The following SLC35E2B variants were observed in gnomAD, a reference collection of about 807,000 sequenced individuals.
The protein encoded by SLC35E2B is solute carrier family 35, member E2B.
A neutral mutation model predicts 32.4 loss-of-function variants in SLC35E2B; 18 were observed. The observed-to-expected ratio is 0.56, with a 90% CI of 0.38 to 0.82. SLC35E2B has a LOEUF of 0.82. SLC35E2B is among the 40% of genes least tolerant of loss of function. The pLI is 0.00. For synonymous variants in SLC35E2B, 132 were observed against 209.1 expected (o/e 0.63, Z 3.18); for missense variants, 263 against 469.5 (o/e 0.56, Z 4.06).
chr1:1,683,712 C>G (rs1036619818), intron 2 of SLC35E2B, among the ~76,000 whole-genome samples: 14 of 152,006 alleles, frequency 9.2e-5, no homozygotes, highest in Middle Eastern at 3.5e-3. Context: ...CCCCCCTACC[C>G]CCGCTCTCCA....
intron 2 of SLC35E2B, among the ~76,000 whole-genome samples, chr1:1,682,032 A>G (rs1163303674): frequency 3.8e-5 from 4 of 104,570 alleles, no homozygotes; most frequent in Non-Finnish European, 7.7e-5. Flanking sequence ...AAAAAAAAAA[A>G]AAAAAAAAGA....
rs1349003767 is a variant in SLC35E2B at position 1,665,910 on chromosome 1, C to T, written c.1090G>A (p.Val364Ile). Reference protein sequence around the residue: ...AVGTALVTVGVLLYNKARQHQ... With the variant: ...AVGTALVTVGILLYNKARQHQ... ...TGCCTGGCTTTGTTGTAGAGCAGGA[C>T]CCCAACGGTCACCAGGGCTGTGCCA... The change falls in exon 10 of 10, where the codon GTC becomes ATC. Residue 364 changes from valine (V) to isoleucine (I), a missense_variant. This residue lies in a region of SLC35E2B where 78 missense variants were observed against 71.1 expected (regional missense o/e 1.10). Transcript: ENST00000617444. The T allele has an allele frequency of 6.4e-7, 1 of 1,551,254 alleles. No homozygotes were observed. The highest frequency in any genetic ancestry group is 2.0e-5 in the Admixed American group (1 of 50,986).
At chr1:1,679,401 A>C (rs1643880498) in intron 2 of SLC35E2B, among the ~76,000 whole-genome samples, 2 of 151,502 alleles carry the variant, frequency 1.3e-5, no homozygotes, top group Admixed American at 1.3e-4. Flanking sequence ...CTCTGCTGAC[A>C]CTGTGCTCCA....
intron 8 of SLC35E2B, 66 bp from the exon 9 acceptor site, chr1:1,668,538 A>C: frequency 6.2e-7 from 1 of 1,613,482 alleles, no homozygotes. Flanking sequence ...TCCACCAAAA[A>C]CGCCCAGCGC....
At position 1,669,745 on chromosome 1, in the gene SLC35E2B, G is replaced by A. The variant is rs1361675266; in HGVS notation, c.762-9C>T. 51 of 1,547,742 alleles carry A rather than the reference G, an allele frequency of 3.3e-5. No homozygotes were observed. Among genetic ancestry groups the A allele is most frequent in the Non-Finnish European group, 4.4e-5 (50 of 1,145,778 alleles). ...ACTGCAGCTCCGGGGCCCTGTGGGTGACAGAACACGCTGGGCCCCCCGTGT... is the reference window on the plus strand; with the variant it reads ...ACTGCAGCTCCGGGGCCCTGTGGGTAACAGAACACGCTGGGCCCCCCGTGT... On this transcript the variant is annotated splice_polypyrimidine_tract_variant and intron_variant, in intron 7 of 9. Transcript: ENST00000617444.
chr1:1,690,254 T>A (rs1356200349), intron 2 of SLC35E2B, among the ~76,000 whole-genome samples: 1 of 131,126 alleles, frequency 7.6e-6, no homozygotes, highest in Non-Finnish European at 1.6e-5. Context: ...CACAACAGCC[T>A]GGGCAATAAG....
rs553685158 is a variant in SLC35E2B at position 1,673,283 on chromosome 1, T to A, written c.587-1654A>T. ...CCCTGGTGTTCTTGCCTTCTTAGATTCTTCTGGAGCTGGAGATGAACTCGG... is the reference window on the plus strand; with the variant it reads ...CCCTGGTGTTCTTGCCTTCTTAGATACTTCTGGAGCTGGAGATGAACTCGG... On this transcript the variant is annotated intron_variant, in intron 5 of 9. Transcript: ENST00000617444. 1.5e-4 allele frequency: 71 copies of A among 478,294 alleles called. No individual in the cohort carries two copies. The East Asian group carries it at 4.3e-3, about 29-fold the overall frequency. 29.6% of individuals were successfully genotyped at this position (478,294 alleles called of 1,614,324 possible).
At chr1:1,682,140 A>G (rs1643905374) in intron 2 of SLC35E2B, among the ~76,000 whole-genome samples, 1 of 151,322 alleles carries the variant, frequency 6.6e-6, no homozygotes, top group South Asian at 2.1e-4. Context: ...GATTACAGGC[A>G]TGAGTGACCG....
In SLC35E2B at chr1:1,684,319, C is replaced by T. The variant is rs140963179; in HGVS notation, c.-148+6657G>A. Reference sequence around the variant, plus strand: ...GCTCGTGAAATTCAGACAACCCCACCGGAAGTGAGAGAGAGGACGGCTGTG... The same window carrying T: ...GCTCGTGAAATTCAGACAACCCCACTGGAAGTGAGAGAGAGGACGGCTGTG... On this transcript the variant is annotated intron_variant, in intron 2 of 9. Coordinates refer to ENST00000617444, the MANE Select transcript of SLC35E2B (RefSeq NM_001290264.2). Among the ~76,000 whole-genome samples the T allele has an allele frequency of 4.5e-3, 689 of 152,262 alleles. 4 individuals carry two copies. The highest frequency in any genetic ancestry group is 0.013 in the Admixed American group (205 of 15,298).
At chr1:1,678,225 G>A (rs1445066802) in intron 2 of SLC35E2B, among the ~76,000 whole-genome samples, 1 of 151,990 alleles carries the variant, frequency 6.6e-6, no homozygotes, top group South Asian at 2.1e-4. Context: ...ACTTGCGTGC[G>A]TGCCATATGT....
Position 1,663,954 on chromosome 1 carries a change from G to A in SLC35E2B, c.*1828C>T, listed in dbSNP as rs552372393. On this transcript the variant is annotated 3_prime_UTR_variant, in exon 10 of 10. Transcript: ENST00000617444. ...GCCTATATTCTCGACACTACAGGAG[G>A]CTGAGTGGGAAGGATTGCTTGAGCC... is the stretch of plus-strand genomic sequence containing the variant. The A allele has an allele frequency of 3.7e-4, 162 of 439,502 alleles. 4 individuals carry two copies. Among genetic ancestry groups the A allele is most frequent in the African/African-American group, 3.1e-3 (155 of 49,366 alleles). 27.2% of individuals were successfully genotyped at this position (439,502 alleles called of 1,614,324 possible).
rs1643449654 is a variant in SLC35E2B, at chr1:1,663,172, C to T, written c.*2610G>A. ...GAAGAGGCCCCAGAGCAGCGTTACACAGGAAATTACCCTATTTGCTAATCC... is the reference window on the plus strand; with the variant it reads ...GAAGAGGCCCCAGAGCAGCGTTACATAGGAAATTACCCTATTTGCTAATCC... On this transcript the variant is annotated 3_prime_UTR_variant, in exon 10 of 10. Transcript: ENST00000617444. The T allele has an allele frequency of 3.3e-6, 3 of 917,428 alleles. No homozygotes were observed. Among genetic ancestry groups the T allele is most frequent in the Non-Finnish European group, 3.9e-6 (3 of 767,166 alleles). 56.8% of individuals were successfully genotyped at this position (917,428 alleles called of 1,614,324 possible).
intron 5 of SLC35E2B, chr1:1,672,431 AC>A (rs1363931703): frequency 6.6e-6 from 1 of 152,162 alleles, no homozygotes; most frequent in Non-Finnish European, 1.5e-5. Context: ...TAGCAGAGGG[AC>A]CCGAGTCTGT....
chr1:1,669,646 CCT>C lies in SLC35E2B; in HGVS notation c.834+16_834+17del. On this transcript the variant is annotated intron_variant, in intron 8 of 9. Transcript: ENST00000617444. Reference sequence around the variant, plus strand: ...CAGCCCGGCAAGTAAGGACGGGACGCCTGTGTCTGAAACCCACCGTAAAGAAA... The same window carrying C: ...CAGCCCGGCAAGTAAGGACGGGACGCGTGTCTGAAACCCACCGTAAAGAAA... 6.6e-7 allele frequency: 1 copy of C among 1,516,634 alleles called. No individual in the cohort carries two copies. Among genetic ancestry groups the C allele is most frequent in the African/African-American group, 1.4e-5 (1 of 72,424 alleles). 93.9% of individuals were successfully genotyped at this position (1,516,634 alleles called of 1,614,324 possible).
At chr1:1,682,308 G>C (rs750907279) in intron 2 of SLC35E2B, among the ~76,000 whole-genome samples, 6 of 152,164 alleles carry the variant, frequency 3.9e-5, no homozygotes, top group African/African-American at 1.2e-4. Flanking sequence ...TAGAAGTCTT[G>C]GAGGTGGGTG....
In SLC35E2B at chr1:1,663,191, C is replaced by T; in HGVS notation, c.*2591G>A. On this transcript the variant is annotated 3_prime_UTR_variant, in exon 10 of 10. Coordinates refer to ENST00000617444, the MANE Select transcript of SLC35E2B (RefSeq NM_001290264.2). ...GTTACACAGGAAATTACCCTATTTG[C>T]TAATCCTTTGGAAAAACGTTTGTTT... 1.1e-6 allele frequency: 1 copy of T among 922,026 alleles called. No individual in the cohort carries two copies. The allele number at this position is 922,026 out of a possible 1,614,324, so 57.1% of individuals were successfully genotyped here.
rs536659885 is a variant in SLC35E2B, at chr1:1,671,798, T to A, written c.587-169A>T. 2.0e-5 allele frequency among the ~76,000 whole-genome samples: 3 copies of A among 152,338 alleles called. No individual in the cohort carries two copies. In the South Asian group the frequency reaches 6.2e-4, roughly 32 times the overall value. ...GTGAGATAAAGCAAATCAAAGTCCG[T>A]GTCTGCAAATAAGTCCCGTCCCCAC... On this transcript the variant is annotated intron_variant, in intron 5 of 9. Transcript: ENST00000617444.
chr1:1,689,813 C>G (rs1451584851), intron 2 of SLC35E2B, among the ~76,000 whole-genome samples: 1 of 150,408 alleles, frequency 6.6e-6, no homozygotes, highest in Non-Finnish European at 1.5e-5. Context: ...ATGGTGAAAC[C>G]CTGTTTCTAC....
intron 5 of SLC35E2B, among the ~76,000 whole-genome samples, chr1:1,675,144 C>T (rs557903164): frequency 6.7e-6 from 1 of 149,426 alleles, no homozygotes; most frequent in South Asian, 2.1e-4. Flanking sequence ...CCGTCCTCTT[C>T]GGATCAGTGA....
Sources: allele counts gnomAD v4.1 joint callset (sites outside exome capture counted in the v4.1 genomes callset), GRCh38; gene constraint gnomAD v4.1.1; regional missense constraint gnomAD v4.1.1; transcripts MANE v1.5; gene names NCBI Gene and HGNC (gene_info 2026-07-23, HGNC 2026-07-21).